Variants in ANKS6 observed in about 807,000 individuals in gnomAD.
ANKS6 encodes the protein ankyrin repeat and sterile alpha motif domain containing 6.
ANKS6 carries 47 observed loss-of-function variants against 77.9 expected under a neutral mutation model. That is an observed-to-expected ratio of 0.60 (90% confidence interval 0.48 to 0.77). The LOEUF (loss-of-function observed/expected upper bound fraction) is 0.77. ANKS6 is among the 30% of genes least tolerant of loss of function. The pLI is 0.00. For synonymous variants in ANKS6, 488 were observed against 501.7 expected, an observed-to-expected ratio of 0.97 and a Z score of 0.37; for missense variants, 1,150 against 1,159.1, an observed-to-expected ratio of 0.99 and a Z score of 0.11.
At chr9:98,756,630 T>C in intron 11 of ANKS6, 27 bp from the exon 12 acceptor site, 2 of 1,469,644 alleles carry the variant, frequency 1.4e-6, no homozygotes, top group Non-Finnish European at 1.8e-6. Flanking sequence ...GACAAATACA[T>C]AAGCCATCAC....
At chr9:98,738,791 C>T (rs1357079569) in intron 14 of ANKS6, among the ~76,000 whole-genome samples, 1 of 152,186 alleles carries the variant, frequency 6.6e-6, no homozygotes, top group Non-Finnish European at 1.5e-5. Flanking sequence ...AAGATACTTG[C>T]ACACACATGC....
chr9:98,789,951 C>T, intron 2 of ANKS6, 153 bp downstream of exon 2: 1 of 1,189,802 alleles, frequency 8.4e-7, no homozygotes, highest in South Asian at 1.9e-5. Flanking sequence ...GGCAATCCCC[C>T]CGATACTTAA....
In ANKS6 at chr9:98,745,613, T is replaced by C; in HGVS notation, c.2457A>G (p.Thr819=). Residue 819 remains threonine (T), a synonymous_variant, in exon 14 of 15, where the codon ACA becomes ACG. Coordinates refer to ENST00000353234, the MANE Select transcript of ANKS6 (RefSeq NM_173551.5). Reference sequence around the variant, plus strand: ...CCAGAATCTGCTGCCTGGACCCATCTGTCTTAATTCCCAGCTCCTTCAAGT... The same window carrying C: ...CCAGAATCTGCTGCCTGGACCCATCCGTCTTAATTCCCAGCTCCTTCAAGT... ...DGDLKELGIK[T]DGSRQQILAA... The C allele has an allele frequency of 6.2e-7, 1 of 1,614,196 alleles. No individual in the cohort carries two copies. Among genetic ancestry groups the C allele is most frequent in the Non-Finnish European group, 8.5e-7 (1 of 1,180,020 alleles).
rs182785671 is a variant in ANKS6, at chr9:98,753,745, G to A, written c.2327-2649C>T. On this transcript the variant is annotated intron_variant, in intron 12 of 14. Coordinates refer to ENST00000353234, the MANE Select transcript of ANKS6 (RefSeq NM_173551.5). ...TGAAAGTGAAGCTGAGCAGAGATGC[G>A]CAGTAGGAACACATCATTACGGGGT... Among the ~76,000 whole-genome samples the A allele has an allele frequency of 1.2e-4, 19 of 152,228 alleles. No individual in the cohort carries two copies. The East Asian group carries it at 2.9e-3, about 23-fold the overall frequency.
At chr9:98,752,726 G>A (rs10987602) in intron 12 of ANKS6, among the ~76,000 whole-genome samples, 27,543 of 152,120 alleles carry the variant, frequency 0.18, 3,080 homozygotes, top group Admixed American at 0.24. Flanking sequence ...CTGCTAGTCC[G>A]TGGCAAAGCA....
At position 98,773,790 on chromosome 9, in the gene ANKS6, G is replaced by A. The variant is rs528828374; in HGVS notation, c.1821+87C>T. On this transcript the variant is annotated intron_variant, in intron 9 of 14. Transcript: ENST00000353234. ...AAAAAGTTGCAACCCCTCTGGATTC[G>A]TCGGTTTGAGGTCCCGCTGCCTGGA... 216 of 1,264,980 alleles carry A rather than the reference G, an allele frequency of 1.7e-4. 2 individuals are homozygous for A. The South Asian group carries it at 2.6e-3, about 15-fold the overall frequency. 78.4% of individuals were successfully genotyped at this position (1,264,980 alleles called of 1,614,324 possible).
At chr9:98,760,716 C>T (rs1279226873) in intron 11 of ANKS6, among the ~76,000 whole-genome samples, 1 of 152,196 alleles carries the variant, frequency 6.6e-6, no homozygotes, top group Non-Finnish European at 1.5e-5. Flanking sequence ...AGCAATCGCA[C>T]GTATCAATAG....
At chr9:98,752,225 T>C (rs1832467339) in intron 12 of ANKS6, among the ~76,000 whole-genome samples, 2 of 152,132 alleles carry the variant, frequency 1.3e-5, no homozygotes, top group Non-Finnish European at 2.9e-5. Flanking sequence ...ACGGAAAGAC[T>C]CTCCTATAAG....
At chr9:98,744,559 AC>A (rs1325989340) in intron 14 of ANKS6, among the ~76,000 whole-genome samples, 2 of 152,200 alleles carry the variant, frequency 1.3e-5, no homozygotes, top group African/African-American at 2.4e-5. Context: ...ATGATAAAGT[AC>A]TACATAAATA....
chr9:98,736,006 C>A lies in ANKS6; in HGVS notation c.*513G>T, dbSNP rs1831478220. ...ACCTCTCACCATAATACATACCCCC[C>A]ATCTAAGTCAAAAGTTGTTGCTGGG... On this transcript the variant is annotated 3_prime_UTR_variant, in exon 15 of 15. Coordinates refer to ENST00000353234, the MANE Select transcript of ANKS6 (RefSeq NM_173551.5). 1 of 1,216,262 alleles carries A rather than the reference C, an allele frequency of 8.2e-7. No homozygotes were observed. Among genetic ancestry groups the A allele is most frequent in the African/African-American group, 1.6e-5 (1 of 64,192 alleles). 75.3% of individuals were successfully genotyped at this position (1,216,262 alleles called of 1,614,324 possible). A position where few individuals can be genotyped will look rare whatever the true frequency, so the allele number is the denominator to read the frequency against.
At chr9:98,756,298 G>T in intron 12 of ANKS6, 122 bp downstream of exon 12, 1 of 1,098,916 alleles carries the variant, frequency 9.1e-7, no homozygotes, top group Admixed American at 2.9e-5. Flanking sequence ...CATGTTTGTC[G>T]TAAATCTTCT....
rs1398457700 is a variant in ANKS6, at chr9:98,784,071, G to C, written c.994C>G (p.Leu332Val). ...GCCAGCTGCCCCGTAACAGCTGCTA[G>C]CATCAGTGGCGTCGCCCCGTCCCCA... ...VNGDGATPLM[L>V]AAVTGQLALV... The change falls in exon 4 of 15, where the codon CTA (leucine) becomes GTA (valine). Residue 332 changes from leucine to valine, a missense_variant. Leu to Val is a conservative substitution (Grantham distance 32). Transcript: ENST00000353234. 3.7e-6 allele frequency: 6 copies of C among 1,609,936 alleles called. No individual in the cohort carries two copies. Among genetic ancestry groups the C allele is most frequent in the Admixed American group, 3.4e-5 (2 of 59,434 alleles).
At chr9:98,760,412 GCC>G (rs1832945589) in intron 11 of ANKS6, among the ~76,000 whole-genome samples, 2 of 1,300 alleles carry the variant, frequency 1.5e-3, no homozygotes. Context: ...CTCTAATCCT[GCC>G]CTCTAATCCT....
intron 11 of ANKS6, among the ~76,000 whole-genome samples, chr9:98,766,939 G>A (rs1273127033): frequency 6.6e-6 from 1 of 152,146 alleles, no homozygotes; most frequent in South Asian, 2.1e-4. Context: ...TGGACATAGA[G>A]TCCCCTCAGA....
At chr9:98,742,551 T>C (rs1831895098) in intron 14 of ANKS6, among the ~76,000 whole-genome samples, 1 of 152,256 alleles carries the variant, frequency 6.6e-6, no homozygotes, top group African/African-American at 2.4e-5. Context: ...TGGTATTATT[T>C]ACTCTTGAAT....
At chr9:98,742,096 A>C (rs1170563193) in intron 14 of ANKS6, among the ~76,000 whole-genome samples, 1 of 152,228 alleles carries the variant, frequency 6.6e-6, no homozygotes, top group East Asian at 1.9e-4. Flanking sequence ...ACTGCGGGCA[A>C]GGAAAGCTGG....
chr9:98,778,874 T>C (rs895162828), intron 6 of ANKS6, among the ~76,000 whole-genome samples: 1 of 152,200 alleles, frequency 6.6e-6, no homozygotes, highest in Non-Finnish European at 1.5e-5. Flanking sequence ...AGGATCTCTA[T>C]ACCAGGGCCT....
rs185689979 is a variant in ANKS6 at position 98,789,151 on chromosome 9, G to A, written c.862+953C>T. Among the ~76,000 whole-genome samples the A allele has an allele frequency of 1.2e-4, 18 of 151,080 alleles. No homozygotes were observed. The East Asian group carries it at 2.5e-3, about 21-fold the overall frequency. Reference sequence around the variant, plus strand: ...AATGGTAACAAACTTAACACTTTCAGGTCTTTTTAGCCAATGTGCCTGAAG... The same window carrying A: ...AATGGTAACAAACTTAACACTTTCAAGTCTTTTTAGCCAATGTGCCTGAAG... On this transcript the variant is annotated intron_variant, in intron 2 of 14. Coordinates refer to ENST00000353234, the MANE Select transcript of ANKS6 (RefSeq NM_173551.5).
chr9:98,776,447 C>G (rs1215862299), intron 8 of ANKS6, among the ~76,000 whole-genome samples: 2 of 148,770 alleles, frequency 1.3e-5, no homozygotes, highest in Non-Finnish European at 3.0e-5. Flanking sequence ...GTTGCCCAGG[C>G]TGGAGAGCAA....
Sources: gnomAD v4.1 joint callset for allele counts (sites outside exome capture counted in the v4.1 genomes callset) on GRCh38, gnomAD v4.1.1 for gene constraint, MANE v1.5 for transcripts, NCBI Gene and HGNC (gene_info 2026-07-23, HGNC 2026-07-21) for gene names.